LINC00632: variants seen among roughly 807,000 people sequenced by gnomAD.
The protein encoded by LINC00632 is long independently transcribed non-coding RNA 632.
chrX:140,774,529 G>A (rs1269171243), exon 5 of LINC00632, among the ~76,000 whole-genome samples: 3 of 111,157 alleles, frequency 2.7e-5, no homozygotes, highest in Non-Finnish European at 5.6e-5. Context: ...CTGATGATAT[G>A]GTGATTTGTG....
At chrX:140,783,319 C>T (rs1931961058) in exon 5 of LINC00632, 1 of 371,292 alleles carries the variant, frequency 2.7e-6, no homozygotes, top group Non-Finnish European at 4.8e-6. Context: ...GTCTTCCGGA[C>T]AATCCATGTC....
chrX:140,784,235 A>C (rs774647754), exon 5 of LINC00632: 1 of 1,209,898 alleles, frequency 8.3e-7, no homozygotes, highest in East Asian at 3.0e-5. Context: ...CTTCCATCAA[A>C]TTAATGTCTT....
At chrX:140,774,285 G>A (rs900880414) in exon 4 of LINC00632, among the ~76,000 whole-genome samples, 1 of 112,102 alleles carries the variant, frequency 8.9e-6, no homozygotes, top group African/African-American at 3.2e-5. Context: ...AGATCCTTTG[G>A]TGGGCTACAT....
At chrX:140,732,851 C>A (rs2059481094) in intron 2 of LINC00632, among the ~76,000 whole-genome samples, 1 of 109,864 alleles carries the variant, frequency 9.1e-6, no homozygotes, top group South Asian at 4.0e-4. Flanking sequence ...GTAACCTCCA[C>A]CTCCCAGGTT....
At chrX:140,746,202 G>A (rs1174046919) in intron 3 of LINC00632, among the ~76,000 whole-genome samples, 1 of 111,706 alleles carries the variant, frequency 9.0e-6, no homozygotes, top group Admixed American at 9.5e-5. Flanking sequence ...AATCTTTTTC[G>A]TGTTGAAAAC....
exon 5 of LINC00632, among the ~76,000 whole-genome samples, chrX:140,779,734 T>C (rs756584744): frequency 7.1e-5 from 8 of 112,438 alleles, no homozygotes; most frequent in Non-Finnish European, 1.1e-4. Flanking sequence ...GCATTTCATC[T>C]TTCTTGCATT....
At chrX:140,783,528 T>A in exon 5 of LINC00632, 1 of 1,128,898 alleles carries the variant, frequency 8.9e-7, no homozygotes, top group Admixed American at 2.6e-5. Flanking sequence ...AAAATCTGTG[T>A]CTTCCACCAA....
intron 2 of LINC00632, chrX:140,714,155 C>T (rs1384730961): frequency 1.2e-5 from 2 of 170,063 alleles, no homozygotes; most frequent in East Asian, 1.5e-4. Context: ...CAGACTTTCC[C>T]GAGAATAGAC....
intron 2 of LINC00632, among the ~76,000 whole-genome samples, chrX:140,721,274 T>A (rs914960755): frequency 9.0e-6 from 1 of 111,193 alleles, no homozygotes; most frequent in Non-Finnish European, 1.9e-5. Context: ...CCTGCAAAAC[T>A]CCAGAATGCA....
At chrX:140,734,920 C>G (rs1931118772) in intron 3 of LINC00632, among the ~76,000 whole-genome samples, 1 of 108,658 alleles carries the variant, frequency 9.2e-6, no homozygotes, top group South Asian at 4.1e-4. Flanking sequence ...TGCCACCACG[C>G]CCGGCTAATT....
chrX:140,735,340 C>T (rs927778888), intron 3 of LINC00632, among the ~76,000 whole-genome samples: 1 of 111,210 alleles, frequency 9.0e-6, no homozygotes, highest in Non-Finnish European at 1.9e-5. Context: ...AGCAAAGAAA[C>T]CCTCTGATTT....
At chrX:140,770,256 G>T (rs969300926) in intron 3 of LINC00632, among the ~76,000 whole-genome samples, 1 of 111,813 alleles carries the variant, frequency 8.9e-6, no homozygotes, top group Non-Finnish European at 1.9e-5. Flanking sequence ...CAAGATACAG[G>T]TCACAAAGAC....
chrX:140,718,023 C>A (rs950053555), intron 2 of LINC00632, among the ~76,000 whole-genome samples: 1 of 110,344 alleles, frequency 9.1e-6, no homozygotes, highest in Non-Finnish European at 1.9e-5. Flanking sequence ...GTAATCCCAG[C>A]TACTTGGGAG....
chrX:140,713,856 A>G, intron 2 of LINC00632: 1 of 298,590 alleles, frequency 3.3e-6, no homozygotes, highest in African/African-American at 2.7e-5. Flanking sequence ...GGACTCTACT[A>G]TGACACACAG....
chrX:140,729,106 C>T (rs1371027239), intron 2 of LINC00632, among the ~76,000 whole-genome samples: 1 of 110,863 alleles, frequency 9.0e-6, no homozygotes, highest in African/African-American at 3.3e-5. Flanking sequence ...ACATACCCCA[C>T]AACACACAAA....
intron 3 of LINC00632, among the ~76,000 whole-genome samples, chrX:140,765,902 G>GTAA (rs1279585927): frequency 2.7e-5 from 3 of 111,914 alleles, no homozygotes; most frequent in Non-Finnish European, 5.6e-5. Context: ...GAGGTAAGAG[G>GTAA]AAGATCTGTA....
At chrX:140,779,625 G>C (rs4824957) in exon 5 of LINC00632, among the ~76,000 whole-genome samples, 28,180 of 110,910 alleles carry the variant, frequency 0.25, 2,849 homozygotes, top group African/African-American at 0.34. Flanking sequence ...TTACTGGGAA[G>C]TATAAAATCA....
At chrX:140,731,444 A>T (rs887095744) in intron 2 of LINC00632, among the ~76,000 whole-genome samples, 6 of 111,403 alleles carry the variant, frequency 5.4e-5, no homozygotes, top group Non-Finnish European at 9.4e-5. Context: ...GGTGTCTGTC[A>T]GACCTGGTTT....
intron 2 of LINC00632, among the ~76,000 whole-genome samples, chrX:140,718,918 A>G (rs1050934043): frequency 9.0e-6 from 1 of 111,712 alleles, no homozygotes; most frequent in Non-Finnish European, 1.9e-5. Flanking sequence ...CTCACCCCAG[A>G]ACACCACATT....
Sources: allele counts gnomAD v4.1 joint callset (sites outside exome capture counted in the v4.1 genomes callset), GRCh38; gene constraint gnomAD v4.1.1; transcripts MANE v1.5; gene names NCBI Gene and HGNC (gene_info 2026-07-23, HGNC 2026-07-21).